The following SPAG17 variants were observed in gnomAD, a reference collection of about 807,000 sequenced individuals.
SPAG17 encodes sperm associated antigen 17.
A neutral mutation model predicts 273.6 loss-of-function variants in SPAG17; 169 were observed. The ratio of observed to expected loss-of-function variants is 0.62; its 90% CI spans 0.55 to 0.70. The LOEUF (loss-of-function observed/expected upper bound fraction) is 0.70, where lower values mean the gene tolerates loss of function less well. Among genes scored for constraint, SPAG17 ranks in the 30% least tolerant of loss-of-function variants. The probability of loss-of-function intolerance (pLI) is 0.00; values close to 1 mark genes in which losing one functional copy is unlikely to be tolerated. For missense variants in SPAG17, 2,557 were observed against 2,627.8 expected (o/e 0.97, Z 0.59); for synonymous variants, 825 against 873.2 (o/e 0.94, Z 0.97).
At chr1:118,043,245 C>T (rs1033674098) in intron 20 of SPAG17, among the ~76,000 whole-genome samples, 2 of 152,064 alleles carry the variant, frequency 1.3e-5, no homozygotes, top group East Asian at 1.9e-4. Flanking sequence ...CAGATAATGC[C>T]TGAGACATTT....
Position 117,981,263 on chromosome 1 carries a change from G to A in SPAG17, c.6004+7C>T. ...AAGAAGCAATAAGATAAAAAAGACT[G>A]CCATACCTTCAGGAGATTTTGTTAA... On this transcript the variant is annotated splice_region_variant and intron_variant, in intron 43 of 48. Coordinates refer to ENST00000336338, the MANE Select transcript of SPAG17 (RefSeq NM_206996.4). 2.6e-6 allele frequency: 4 copies of A among 1,558,472 alleles called. No individual in the cohort carries two copies. Among genetic ancestry groups the A allele is most frequent in the South Asian group, 2.5e-5 (2 of 81,512 alleles).
At chr1:118,015,901 T>C in intron 29 of SPAG17, 64 bp downstream of exon 29, 4 of 1,399,192 alleles carry the variant, frequency 2.9e-6, no homozygotes, top group Non-Finnish European at 3.0e-6. Flanking sequence ...AGGCACTCTT[T>C]TGGGTGTTGT....
At position 118,099,666 on chromosome 1, in the gene SPAG17, G is replaced by T. The variant is rs769794600; in HGVS notation, c.769C>A (p.Pro257Thr). The T allele has an allele frequency of 1.9e-6, 3 of 1,614,080 alleles. No individual in the cohort carries two copies. The highest frequency in any genetic ancestry group is 4.5e-5 in the East Asian group (2 of 44,890). ...ACTGCTGCCAGGTGTGTCTGCAGAG[G>T]TTCATAATTCTCTGAAGATATTTTA... The part of the protein sequence containing the change: ...VIKISSENYE[P>T]LQTHLAAVNQ... Residue 257 changes from proline to threonine, a missense_variant, in exon 6 of 49, where the codon CCT (proline) becomes ACT (threonine). By Grantham distance (38) the Pro-to-Thr change is conservative (BLOSUM62 -1). Transcript: ENST00000336338.
intron 4 of SPAG17, among the ~76,000 whole-genome samples, chr1:118,109,566 AAT>A (rs1452985883): frequency 6.0e-5 from 9 of 149,024 alleles, no homozygotes; most frequent in Non-Finnish European, 7.4e-5. Context: ...AAATAATAAT[AAT>A]AATAATAATA....
intron 31 of SPAG17, among the ~76,000 whole-genome samples, chr1:118,007,430 C>T (rs1659010941): frequency 6.6e-6 from 1 of 152,182 alleles, no homozygotes; most frequent in South Asian, 2.1e-4. Flanking sequence ...AAGTGAAAAG[C>T]TGAAAGCAAG....
At chr1:118,178,485 C>T (rs1276080487) in intron 1 of SPAG17, among the ~76,000 whole-genome samples, 2 of 151,796 alleles carry the variant, frequency 1.3e-5, no homozygotes, top group Non-Finnish European at 2.9e-5. Flanking sequence ...TCATACTGAC[C>T]AGGAAGAAAT....
chr1:117,959,437 C>A, intron 48 of SPAG17: 1 of 1,606,786 alleles, frequency 6.2e-7, no homozygotes, highest in Non-Finnish European at 8.5e-7. Context: ...TTGATTCTAA[C>A]GTTGACTTAG....
At chr1:117,959,242 T>A in intron 48 of SPAG17, 1 of 1,583,122 alleles carries the variant, frequency 6.3e-7, no homozygotes, top group Non-Finnish European at 8.6e-7. Flanking sequence ...GCTGCTATAA[T>A]GAATTGAAGT....
chr1:117,985,313 A>T (rs1384099749), intron 40 of SPAG17, among the ~76,000 whole-genome samples: 1 of 152,242 alleles, frequency 6.6e-6, no homozygotes, highest in South Asian at 2.1e-4. Flanking sequence ...GAGACATTAT[A>T]TAGGGAAAGC....
intron 18 of SPAG17, among the ~76,000 whole-genome samples, chr1:118,063,697 A>G (rs1050403990): frequency 1.3e-5 from 2 of 152,200 alleles, no homozygotes; most frequent in African/African-American, 4.8e-5. Context: ...CGTCTAAAAC[A>G]CCAAAAGCAA....
chr1:118,145,564 T>G (rs1040885659), intron 3 of SPAG17, among the ~76,000 whole-genome samples: 1 of 152,180 alleles, frequency 6.6e-6, no homozygotes, highest in Non-Finnish European at 1.5e-5. Context: ...GGTCCATTAT[T>G]TTTAAATCTA....
At chr1:118,139,988 A>G (rs1658579836) in intron 3 of SPAG17, among the ~76,000 whole-genome samples, 1 of 152,132 alleles carries the variant, frequency 6.6e-6, no homozygotes, top group South Asian at 2.1e-4. Flanking sequence ...AGCTTTATAA[A>G]AAGAGGAGGA....
At chr1:118,021,456 G>A (rs928460607) in intron 28 of SPAG17, among the ~76,000 whole-genome samples, 1 of 151,868 alleles carries the variant, frequency 6.6e-6, no homozygotes, top group African/African-American at 2.4e-5. Context: ...AGGTGAAGAG[G>A]GATTTTTAGG....
Position 117,981,442 on chromosome 1 carries a change from A to G in SPAG17, c.5873-41T>C, listed in dbSNP as rs770648476. The G allele has an allele frequency of 1.9e-6, 3 of 1,564,518 alleles. No individual in the cohort carries two copies. In the South Asian group the frequency reaches 3.6e-5, roughly 19 times the overall value. ...TGAACCTTATAAAGTGATATTTTGT[A>G]AAATGATATAATGACTACTAATGTT... On this transcript the variant is annotated intron_variant, in intron 42 of 48. Transcript: ENST00000336338.
intron 3 of SPAG17, among the ~76,000 whole-genome samples, chr1:118,136,688 CT>C (rs1183938540): frequency 6.6e-6 from 1 of 152,164 alleles, no homozygotes; most frequent in African/African-American, 2.4e-5. Flanking sequence ...TTTTCCCCAT[CT>C]GATGACTAAT....
At chr1:118,063,620 A>G (rs1422284848) in intron 18 of SPAG17, among the ~76,000 whole-genome samples, 2 of 152,184 alleles carry the variant, frequency 1.3e-5, no homozygotes, top group African/African-American at 4.8e-5. Context: ...TAGACCTAAA[A>G]CCATAAAAAC....
At chr1:118,116,455 TG>T (rs1657084222) in intron 3 of SPAG17, among the ~76,000 whole-genome samples, 1 of 152,288 alleles carries the variant, frequency 6.6e-6, no homozygotes, top group Admixed American at 6.5e-5. Context: ...TAATCACTCC[TG>T]GGGCGCATAT....
At chr1:118,095,956 G>A (rs1057293139) in intron 7 of SPAG17, among the ~76,000 whole-genome samples, 13 of 152,140 alleles carry the variant, frequency 8.5e-5, no homozygotes, top group African/African-American at 2.9e-4. Flanking sequence ...GACAAAGGGA[G>A]TTTGGAGTCT....
intron 20 of SPAG17, among the ~76,000 whole-genome samples, chr1:118,042,533 C>T (rs193002380): frequency 6.6e-6 from 1 of 152,236 alleles, no homozygotes; most frequent in African/African-American, 2.4e-5. Flanking sequence ...CACTCCTAAC[C>T]ACAAGCCTGT....
Sources: gnomAD v4.1 joint callset for allele counts (sites outside exome capture counted in the v4.1 genomes callset) on GRCh38, gnomAD v4.1.1 for gene constraint, MANE v1.5 for transcripts, NCBI Gene and HGNC (gene_info 2026-07-23, HGNC 2026-07-21) for gene names.